Variants in LRP12 observed in about 807,000 individuals in gnomAD.
The protein encoded by LRP12 is LDL receptor related protein 12.
Under a neutral mutation model 66.0 loss-of-function variants are expected in LRP12, and 14 were observed. The observed-to-expected ratio is 0.21, with a 90% CI of 0.14 to 0.33. LRP12 has a LOEUF of 0.33. Among genes scored for constraint, LRP12 ranks in the 10% least tolerant of loss-of-function variants. The pLI is 1.00. For synonymous variants in LRP12, 357 were observed against 359.1 expected (o/e 0.99, Z 0.07); for missense variants, 889 against 1,053.4 (o/e 0.84, Z 2.16).
At chr8:104,500,489 C>T (rs1248461612) in intron 3 of LRP12, among the ~76,000 whole-genome samples, 4 of 152,082 alleles carry the variant, frequency 2.6e-5, no homozygotes, top group African/African-American at 2.4e-5. Flanking sequence ...GGGCGGATCA[C>T]GAAGTCAGGA....
At chr8:104,500,320 A>G (rs1181033034) in intron 3 of LRP12, among the ~76,000 whole-genome samples, 1 of 152,240 alleles carries the variant, frequency 6.6e-6, no homozygotes, top group Admixed American at 6.5e-5. Context: ...GGATTATTAT[A>G]CCAGAATGTT....
chr8:104,516,401 T>A (rs1427883591), intron 2 of LRP12, among the ~76,000 whole-genome samples: 1 of 151,944 alleles, frequency 6.6e-6, no homozygotes, highest in Non-Finnish European at 1.5e-5. Context: ...TTAAACTATA[T>A]GAAAAGATTA....
At chr8:104,575,041 G>A (rs750152621) in intron 1 of LRP12, among the ~76,000 whole-genome samples, 26 of 152,216 alleles carry the variant, frequency 1.7e-4, no homozygotes, top group Non-Finnish European at 2.9e-4. Context: ...AGGGAACAGC[G>A]TGTATAAAGA....
At chr8:104,529,207 C>A (rs1427673957) in intron 2 of LRP12, among the ~76,000 whole-genome samples, 1 of 152,090 alleles carries the variant, frequency 6.6e-6, no homozygotes, top group Non-Finnish European at 1.5e-5. Flanking sequence ...ATCAGGACAG[C>A]ACACACAGAG....
chr8:104,516,496 C>A (rs1811073730), intron 2 of LRP12, among the ~76,000 whole-genome samples: 1 of 152,022 alleles, frequency 6.6e-6, no homozygotes, highest in African/African-American at 2.4e-5. Context: ...GGTAGAGATC[C>A]TCTGATGGAG....
intron 2 of LRP12, among the ~76,000 whole-genome samples, chr8:104,515,422 G>C (rs1309008236): frequency 2.6e-5 from 4 of 152,138 alleles, no homozygotes; most frequent in African/African-American, 9.7e-5. Flanking sequence ...GAAGTTTTCA[G>C]AGTTTAAGAA....
At chr8:104,545,867 GT>G (rs1442158590) in intron 1 of LRP12, among the ~76,000 whole-genome samples, 4 of 151,940 alleles carry the variant, frequency 2.6e-5, no homozygotes, top group Non-Finnish European at 5.9e-5. Flanking sequence ...TTTCTTCTTG[GT>G]TTATTAAGTT....
intron 1 of LRP12, among the ~76,000 whole-genome samples, chr8:104,548,644 T>TAATTATATAATTATTATATAATTA (rs1811676893): frequency 6.9e-6 from 1 of 144,398 alleles, no homozygotes; most frequent in Non-Finnish European, 1.5e-5. Flanking sequence ...ATAATTAAAT[T>TAATTATATAATTATTATATAATTA]AATTATATAA....
At chr8:104,550,286 C>A (rs1158996439) in intron 1 of LRP12, among the ~76,000 whole-genome samples, 1 of 152,150 alleles carries the variant, frequency 6.6e-6, no homozygotes, top group Admixed American at 6.5e-5. Flanking sequence ...ATTTGTCTAG[C>A]TCAAAGCCCA....
At chr8:104,563,058 T>C (rs1484817300) in intron 1 of LRP12, among the ~76,000 whole-genome samples, 1 of 152,186 alleles carries the variant, frequency 6.6e-6, no homozygotes, top group East Asian at 1.9e-4. Context: ...CAATATAGTG[T>C]AATGGTTAAG....
intron 1 of LRP12, among the ~76,000 whole-genome samples, chr8:104,549,468 T>C (rs1811693751): frequency 6.9e-6 from 1 of 145,186 alleles, no homozygotes; most frequent in Non-Finnish European, 1.5e-5. Flanking sequence ...AGTGGTACGA[T>C]CTCGGCTCAC....
chr8:104,550,371 A>G (rs879747096), intron 1 of LRP12, among the ~76,000 whole-genome samples: 4 of 152,202 alleles, frequency 2.6e-5, no homozygotes, highest in Non-Finnish European at 5.9e-5. Context: ...TCCACGTTTC[A>G]GTACATTTAA....
At chr8:104,573,820 G>T (rs1564148559) in intron 1 of LRP12, among the ~76,000 whole-genome samples, 1 of 151,904 alleles carries the variant, frequency 6.6e-6, no homozygotes, top group East Asian at 1.9e-4. Context: ...GAAGAGGGAG[G>T]TTAGGTTACA....
intron 1 of LRP12, among the ~76,000 whole-genome samples, chr8:104,550,547 C>T (rs1811710302): frequency 1.3e-5 from 2 of 152,118 alleles, no homozygotes; most frequent in African/African-American, 4.8e-5. Context: ...TCTTATATTC[C>T]TTACCTTGGT....
intron 1 of LRP12, among the ~76,000 whole-genome samples, chr8:104,537,494 G>C (rs1811407304): frequency 6.6e-6 from 1 of 152,088 alleles, no homozygotes; most frequent in African/African-American, 2.4e-5. Context: ...ACCAGCAAGA[G>C]AGAGCTCCAA....
At chr8:104,585,445 C>T (rs540829250) in intron 1 of LRP12, among the ~76,000 whole-genome samples, 1 of 152,260 alleles carries the variant, frequency 6.6e-6, no homozygotes, top group African/African-American at 2.4e-5. Context: ...AGGCTGGTCT[C>T]AAACTCCTGA....
At chr8:104,527,170 A>AG (rs1811251832) in intron 2 of LRP12, among the ~76,000 whole-genome samples, 1 of 148,504 alleles carries the variant, frequency 6.7e-6, no homozygotes, top group Admixed American at 6.6e-5. Flanking sequence ...ATCATTAAAA[A>AG]GTCAGGAAAC....
At chr8:104,527,576 G>A (rs1008116608) in intron 2 of LRP12, among the ~76,000 whole-genome samples, 3 of 151,440 alleles carry the variant, frequency 2.0e-5, no homozygotes, top group South Asian at 2.1e-4. Context: ...GTAAACTATC[G>A]CAAGGACAAA....
At chr8:104,508,842 CCTT>C (rs1564131782) in intron 3 of LRP12, 94 bp downstream of exon 3, 6 of 1,137,300 alleles carry the variant, frequency 5.3e-6, no homozygotes, top group Middle Eastern at 3.0e-4. Flanking sequence ...TCCTGAAAAG[CCTT>C]CTTTTTATAT....
Sources: allele counts gnomAD v4.1 joint callset (sites outside exome capture counted in the v4.1 genomes callset), GRCh38; gene constraint gnomAD v4.1.1; transcripts MANE v1.5; gene names NCBI Gene and HGNC (gene_info 2026-07-23, HGNC 2026-07-21).